Variants in CSMD1 observed in about 807,000 individuals in gnomAD.
CSMD1 encodes the protein CUB and sushi domain-containing protein 1.
CSMD1 carries 213 observed loss-of-function variants against 417.5 expected under a neutral mutation model. The ratio of observed to expected loss-of-function variants is 0.51; its 90% CI spans 0.46 to 0.57. CSMD1 has a LOEUF of 0.57. CSMD1 is among the 20% of genes least tolerant of loss of function. CSMD1 has a pLI of 0.00. For synonymous variants in CSMD1, 2,862 were observed against 1,736.8 expected (o/e 1.65, Z -16.11); for missense variants, 6,923 against 4,529.7 (o/e 1.53, Z -15.17).
chr8:3,654,621 G>C (rs1798013411), intron 7 of CSMD1, among the ~76,000 whole-genome samples: 1 of 152,166 alleles, frequency 6.6e-6, no homozygotes, highest in Admixed American at 6.5e-5. Context: ...TTCAAAGCAG[G>C]GCAGCCTTTG....
chr8:4,387,202 T>C (rs770285529), intron 3 of CSMD1, among the ~76,000 whole-genome samples: 1 of 152,192 alleles, frequency 6.6e-6, no homozygotes, highest in South Asian at 2.1e-4. Context: ...TATCTGAGTG[T>C]CACTCACTTT....
chr8:4,914,178 G>T (rs942109867), intron 1 of CSMD1, among the ~76,000 whole-genome samples: 1 of 152,142 alleles, frequency 6.6e-6, no homozygotes, highest in Non-Finnish European at 1.5e-5. Flanking sequence ...CAAAAGCACG[G>T]AGTCATGAGA....
At position 4,540,888 on chromosome 8, in the gene CSMD1, C is replaced by A. The variant is rs1411774556; in HGVS notation, c.302+96454G>T. Among the ~76,000 whole-genome samples, 19 of 152,292 alleles carry A rather than the reference C, an allele frequency of 1.2e-4. No homozygotes were observed. In the East Asian group the frequency reaches 3.5e-3, roughly 28 times the overall value. On this transcript the variant is annotated intron_variant, in intron 2 of 69. Coordinates refer to ENST00000635120, the MANE Select transcript of CSMD1 (RefSeq NM_033225.6). ...ACAGGAAGTCTGACTCTCCGCCACT[C>A]TGCTAGTCTGCTATTTAATTTTATG... is the stretch of plus-strand genomic sequence containing the variant.
At chr8:3,901,112 C>A (rs1473478474) in intron 5 of CSMD1, among the ~76,000 whole-genome samples, 1 of 152,066 alleles carries the variant, frequency 6.6e-6, no homozygotes, top group African/African-American at 2.4e-5. Context: ...TGTGTGTATA[C>A]TTTTGGGGGA....
intron 7 of CSMD1, among the ~76,000 whole-genome samples, chr8:3,663,267 G>A (rs1009103486): frequency 3.9e-5 from 6 of 152,136 alleles, no homozygotes; most frequent in African/African-American, 1.4e-4. Context: ...AGAGAGTGCT[G>A]ATACTACTGA....
At chr8:4,289,284 A>G (rs544172596) in intron 3 of CSMD1, among the ~76,000 whole-genome samples, 8 of 152,346 alleles carry the variant, frequency 5.3e-5, no homozygotes, top group African/African-American at 1.4e-4. Flanking sequence ...TAATTTGCCT[A>G]CATAATTTCA....
chr8:3,834,271 G>C (rs1442975856), intron 5 of CSMD1, among the ~76,000 whole-genome samples: 1 of 151,878 alleles, frequency 6.6e-6, no homozygotes, highest in Non-Finnish European at 1.5e-5. Flanking sequence ...TCTGTATCTA[G>C]GGCTCTTCCA....
At chr8:4,123,085 G>C (rs762961413) in intron 3 of CSMD1, among the ~76,000 whole-genome samples, 2 of 152,178 alleles carry the variant, frequency 1.3e-5, no homozygotes, top group African/African-American at 2.4e-5. Context: ...CATAATGCCA[G>C]TGAGATTGGA....
intron 5 of CSMD1, among the ~76,000 whole-genome samples, chr8:3,773,657 C>T (rs1170204387): frequency 2.0e-5 from 3 of 152,048 alleles, no homozygotes; most frequent in Non-Finnish European, 4.4e-5. Flanking sequence ...CAATTTTGGC[C>T]TTATTCTCTA....
intron 34 of CSMD1, 113 bp from the exon 35 acceptor site, chr8:3,189,124 A>C: frequency 1.0e-6 from 1 of 960,708 alleles, no homozygotes; most frequent in South Asian, 2.4e-5. Flanking sequence ...TACATGAACA[A>C]TGATACGTTA....
intron 3 of CSMD1, among the ~76,000 whole-genome samples, chr8:4,279,738 T>C (rs186919699): frequency 1.1e-4 from 17 of 152,324 alleles, no homozygotes; most frequent in Admixed American, 6.5e-4. Flanking sequence ...CAATGCAGCA[T>C]TTCTAATGAA....
rs1270543852 is a variant in CSMD1 at position 2,935,390 on chromosome 8, T to C, written c.*3195A>G. 6.6e-6 allele frequency: 1 copy of C among 152,172 alleles called. No individual in the cohort carries two copies. The highest frequency in any genetic ancestry group is 6.5e-5 in the Admixed American group (1 of 15,280). 9.4% of individuals were successfully genotyped at this position (152,172 alleles called of 1,614,324 possible). Reference sequence around the variant, plus strand: ...ATTAAATATTTAATTAGAACTCTGATTTGCTTTAAAGATTGGTGGCATTGC... The same window carrying C: ...ATTAAATATTTAATTAGAACTCTGACTTGCTTTAAAGATTGGTGGCATTGC... On this transcript the variant is annotated 3_prime_UTR_variant, in exon 70 of 70. Transcript: ENST00000635120.
chr8:4,119,922 G>C (rs1194972370), intron 3 of CSMD1, among the ~76,000 whole-genome samples: 1 of 150,054 alleles, frequency 6.7e-6, no homozygotes, highest in African/African-American at 2.5e-5. Context: ...GTGGGAGGGT[G>C]AGAGGAGCTG....
chr8:3,507,767 A>C (rs1037843060), intron 10 of CSMD1, among the ~76,000 whole-genome samples: 1 of 151,934 alleles, frequency 6.6e-6, no homozygotes, highest in South Asian at 2.1e-4. Flanking sequence ...GATGATGAGC[A>C]TTTTTTCATG....
intron 3 of CSMD1, among the ~76,000 whole-genome samples, chr8:4,143,063 C>G (rs1230791125): frequency 6.7e-6 from 1 of 150,344 alleles, no homozygotes; most frequent in Non-Finnish European, 1.5e-5. Flanking sequence ...AAAATGAACA[C>G]AATGAAGCAA....
chr8:4,908,838 T>A (rs1474251715), intron 1 of CSMD1, among the ~76,000 whole-genome samples: 1 of 152,214 alleles, frequency 6.6e-6, no homozygotes, highest in African/African-American at 2.4e-5. Flanking sequence ...AGCATACTAA[T>A]CATACTCACT....
intron 2 of CSMD1, among the ~76,000 whole-genome samples, chr8:4,511,973 C>T (rs1307245315): frequency 6.6e-6 from 1 of 152,148 alleles, no homozygotes; most frequent in Non-Finnish European, 1.5e-5. Context: ...CAACACCAGA[C>T]AGAGGCATTC....
intron 54 of CSMD1, among the ~76,000 whole-genome samples, chr8:2,987,662 G>A (rs1021666761): frequency 5.3e-5 from 8 of 152,172 alleles, no homozygotes; most frequent in African/African-American, 1.9e-4. Context: ...ATCGGAGGAT[G>A]AATGCCCCCA....
intron 68 of CSMD1, among the ~76,000 whole-genome samples, chr8:2,947,892 G>C (rs527715208): frequency 4.0e-5 from 6 of 150,032 alleles, no homozygotes; most frequent in African/African-American, 1.5e-4. Flanking sequence ...ACTGTGGGTT[G>C]AATAGTGGAA....
Sources: allele counts gnomAD v4.1 joint callset (sites outside exome capture counted in the v4.1 genomes callset), GRCh38; gene constraint gnomAD v4.1.1; transcripts MANE v1.5; gene names NCBI Gene and HGNC (gene_info 2026-07-23, HGNC 2026-07-21).